SDK1: variants seen among roughly 807,000 people sequenced by gnomAD.
SDK1 encodes the protein sidekick cell adhesion molecule 1.
A neutral mutation model predicts 245.5 loss-of-function variants in SDK1; 157 were observed. That is an observed-to-expected ratio of 0.64 (90% confidence interval 0.56 to 0.73). The LOEUF is 0.73. Among genes scored for constraint, SDK1 ranks in the 30% least tolerant of loss-of-function variants. The pLI is 0.00. For synonymous variants in SDK1, 1,647 were observed against 1,278.5 expected (o/e 1.29, Z -6.15); for missense variants, 3,583 against 3,002.3 (o/e 1.19, Z -4.52).
chr7:3,965,947 C>T (rs1782049742), intron 9 of SDK1, among the ~76,000 whole-genome samples: 1 of 151,686 alleles, frequency 6.6e-6, no homozygotes, highest in African/African-American at 2.4e-5. Flanking sequence ...GGTTGGGGCT[C>T]AGTGACAAGC....
chr7:3,491,827 G>A (rs1000667064), intron 1 of SDK1, among the ~76,000 whole-genome samples: 2 of 152,106 alleles, frequency 1.3e-5, no homozygotes, highest in South Asian at 2.1e-4. Flanking sequence ...TGTAATCAAA[G>A]TATAAAGTAT....
chr7:4,120,941 A>AG (rs1355510313), intron 25 of SDK1, among the ~76,000 whole-genome samples: 1 of 151,980 alleles, frequency 6.6e-6, no homozygotes, highest in African/African-American at 2.4e-5. Context: ...AAAAAAAAAA[A>AG]AAAGAAAGAA....
chr7:4,213,816 G>C (rs182764978), intron 38 of SDK1, among the ~76,000 whole-genome samples: 84 of 152,238 alleles, frequency 5.5e-4, no homozygotes, highest in African/African-American at 1.9e-3. Context: ...TTTCTTGTTC[G>C]TTTCATGACA....
At chr7:4,029,853 G>A (rs933930518) in intron 17 of SDK1, among the ~76,000 whole-genome samples, 4 of 152,158 alleles carry the variant, frequency 2.6e-5, no homozygotes, top group Admixed American at 2.0e-4. Context: ...AAAATAAATT[G>A]CTTTGTTAGA....
intron 8 of SDK1, 47 bp from the exon 9 acceptor site, chr7:3,962,610 C>G (rs376575205): frequency 1.4e-6 from 2 of 1,453,408 alleles, no homozygotes; most frequent in Non-Finnish European, 1.9e-6. Context: ...TCAGTTCTCA[C>G]GTCAGGAATT....
chr7:3,441,925 C>T lies in SDK1; in HGVS notation c.298+140041C>T, dbSNP rs1430955332. Among the ~76,000 whole-genome samples, 3 of 152,218 alleles carry T rather than the reference C, an allele frequency of 2.0e-5. No individual in the cohort carries two copies. In the East Asian group the frequency reaches 5.8e-4, roughly 29 times the overall value. On this transcript the variant is annotated intron_variant, in intron 1 of 44. Coordinates refer to ENST00000404826, the MANE Select transcript of SDK1 (RefSeq NM_152744.4). ...GAATTGGTCTTTTTGCTTGATTTGC[C>T]TGAGTGATTCTCCACAAAATCCCCA... is the stretch of plus-strand genomic sequence containing the variant.
At chr7:3,602,658 T>A (rs1287050334) in intron 1 of SDK1, among the ~76,000 whole-genome samples, 1 of 151,928 alleles carries the variant, frequency 6.6e-6, no homozygotes, top group African/African-American at 2.4e-5. Flanking sequence ...TTTCTTTTGC[T>A]GTGCAGAAGC....
chr7:3,487,073 C>T (rs779007765), intron 1 of SDK1, among the ~76,000 whole-genome samples: 15 of 152,158 alleles, frequency 9.9e-5, no homozygotes, highest in East Asian at 1.9e-4. Flanking sequence ...TTGTGAAAGT[C>T]GCCTTACACA....
intron 5 of SDK1, among the ~76,000 whole-genome samples, chr7:3,849,536 C>T (rs1196024774): frequency 1.3e-5 from 2 of 152,090 alleles, no homozygotes; most frequent in Non-Finnish European, 2.9e-5. Flanking sequence ...AGTATATGTT[C>T]AATGGTTGAG....
Position 3,523,886 on chromosome 7 carries a change from A to G in SDK1, c.299-95194A>G, listed in dbSNP as rs79164520. Among the ~76,000 whole-genome samples, 207 of 152,228 alleles carry G rather than the reference A, an allele frequency of 1.4e-3. 1 individual carries two copies. The highest frequency in any genetic ancestry group is 4.9e-3 in the African/African-American group (205 of 41,552). On this transcript the variant is annotated intron_variant, in intron 1 of 44. Coordinates refer to ENST00000404826, the MANE Select transcript of SDK1 (RefSeq NM_152744.4). ...TTGGTTTTCTACCCCCTTATGTGGCAAAAATATTGCTGTGATTGTGGTTAT... is the reference window on the plus strand; with the variant it reads ...TTGGTTTTCTACCCCCTTATGTGGCGAAAATATTGCTGTGATTGTGGTTAT...
At chr7:4,105,580 C>A (rs954305397) in intron 22 of SDK1, among the ~76,000 whole-genome samples, 1 of 152,198 alleles carries the variant, frequency 6.6e-6, no homozygotes, top group Non-Finnish European at 1.5e-5. Flanking sequence ...GCTGGGATTA[C>A]AGGCGTGAGC....
chr7:3,467,082 T>TA (rs1781030640), intron 1 of SDK1, among the ~76,000 whole-genome samples: 1 of 148,448 alleles, frequency 6.7e-6, no homozygotes, highest in South Asian at 2.1e-4. Flanking sequence ...ATCAAAATGG[T>TA]AAAAGTCATT....
chr7:3,969,909 C>G (rs1583673233), intron 11 of SDK1, among the ~76,000 whole-genome samples: 2 of 152,154 alleles, frequency 1.3e-5, no homozygotes, highest in African/African-American at 4.8e-5. Flanking sequence ...TTAGGAACAA[C>G]TAAGACACTT....
At chr7:4,230,620 T>C (rs1583130816) in intron 40 of SDK1, among the ~76,000 whole-genome samples, 2 of 150,978 alleles carry the variant, frequency 1.3e-5, no homozygotes, top group Admixed American at 6.6e-5. Flanking sequence ...GGAAGATGGA[T>C]CATGGAAAGA....
chr7:3,853,027 G>GTCA (rs1780457065), intron 5 of SDK1, among the ~76,000 whole-genome samples: 1 of 151,884 alleles, frequency 6.6e-6, no homozygotes, highest in Non-Finnish European at 1.5e-5. Flanking sequence ...AGTGTATATA[G>GTCA]TCATCCCTCC....
At chr7:3,928,052 T>C (rs950413225) in intron 5 of SDK1, among the ~76,000 whole-genome samples, 1 of 152,234 alleles carries the variant, frequency 6.6e-6, no homozygotes, top group African/African-American at 2.4e-5. Context: ...TCTTTCCATT[T>C]GCACCTTCAG....
At chr7:4,024,741 C>T (rs1465469787) in intron 17 of SDK1, among the ~76,000 whole-genome samples, 2 of 152,336 alleles carry the variant, frequency 1.3e-5, no homozygotes, top group South Asian at 2.1e-4. Flanking sequence ...CTGGACAATG[C>T]TGAGAAATGC....
chr7:3,654,675 A>G (rs920425299), intron 4 of SDK1, among the ~76,000 whole-genome samples: 1 of 152,186 alleles, frequency 6.6e-6, no homozygotes, highest in African/African-American at 2.4e-5. Context: ...GAGAAAGGGC[A>G]CATCACAGAT....
At chr7:3,510,474 G>A (rs553027788) in intron 1 of SDK1, among the ~76,000 whole-genome samples, 25 of 152,214 alleles carry the variant, frequency 1.6e-4, no homozygotes, top group African/African-American at 5.5e-4. Flanking sequence ...GGATTAATAG[G>A]CAAAAAGGCA....
Sources: gnomAD v4.1 joint callset for allele counts (sites outside exome capture counted in the v4.1 genomes callset) on GRCh38, gnomAD v4.1.1 for gene constraint, MANE v1.5 for transcripts, NCBI Gene and HGNC (gene_info 2026-07-23, HGNC 2026-07-21) for gene names.